CFAP47: variants seen among roughly 807,000 people sequenced by gnomAD.
CFAP47 encodes the protein cilia and flagella associated protein 47, also known as cilia- and flagella-associated protein 47.
CFAP47 carries 29 observed loss-of-function variants against 148.1 expected under a neutral mutation model. The ratio of observed to expected loss-of-function variants is 0.20; its 90% confidence interval spans 0.15 to 0.27. CFAP47 has a LOEUF of 0.27. CFAP47 is among the 10% of genes least tolerant of loss of function. CFAP47 has a pLI of 1.00. For missense variants in CFAP47, 1,872 were observed against 1,697.5 expected (o/e 1.10, Z -1.81); for synonymous variants, 664 against 577.3 (o/e 1.15, Z -2.15).
Position 35,924,231 on chromosome X carries a change from A to G in CFAP47, c.250-1786A>G, listed in dbSNP as rs773914596. Reference sequence around the variant, plus strand: ...TGTATGTGTGCATGTATGTGTATATATGGACATGTATGTGTGCATATGGAC... The same window carrying G: ...TGTATGTGTGCATGTATGTGTATATGTGGACATGTATGTGTGCATATGGAC... On this transcript the variant is annotated intron_variant, in intron 1 of 63. Coordinates refer to ENST00000378653, the MANE Select transcript of CFAP47 (RefSeq NM_001304548.2). Among the ~76,000 whole-genome samples the G allele has an allele frequency of 5.5e-5, 5 of 90,647 alleles. 1 individual carries two copies. The highest frequency in any genetic ancestry group is 3.5e-4 in the East Asian group (1 of 2,874). 78.7% of individuals were successfully genotyped at this position (90,647 alleles called of 115,157 possible).
At chrX:35,920,105 C>T (rs1033295512) in intron 1 of CFAP47, 57 bp downstream of exon 1, 121 of 1,112,478 alleles carry the variant, frequency 1.1e-4, no homozygotes, top group Middle Eastern at 7.7e-4. Context: ...CCTCACACTG[C>T]GTCTCTCTTT....
intron 49 of CFAP47, among the ~76,000 whole-genome samples, chrX:36,270,034 C>A (rs1940939951): frequency 8.9e-6 from 1 of 111,850 alleles, no homozygotes; most frequent in African/African-American, 3.2e-5. Context: ...GGATATACCA[C>A]AATAATTTGT....
intron 42 of CFAP47, among the ~76,000 whole-genome samples, chrX:36,196,176 C>G (rs1481941018): frequency 9.0e-6 from 1 of 110,925 alleles, no homozygotes; most frequent in African/African-American, 3.3e-5. Flanking sequence ...ATAAATTGTT[C>G]TATAAAAATA....
In CFAP47 at chrX:35,941,324, AT is replaced by A; in HGVS notation, c.447del (p.Phe149LeufsTer56). 1 of 1,181,347 alleles carries A rather than the reference AT, an allele frequency of 8.5e-7. No individual in the cohort carries two copies. Among genetic ancestry groups the A allele is most frequent in the Admixed American group, 2.4e-5 (1 of 40,835 alleles). ...SCQLEIESVV[N>X]FGTLVANSKV... ...CAATTGGAAATTGAATCAGTAGTTA[AT>A]TTTGGCACACTGGTTGCCAATAGTA... On this transcript the variant is annotated frameshift_variant, in exon 3 of 64. Coordinates refer to ENST00000378653, the MANE Select transcript of CFAP47 (RefSeq NM_001304548.2). LOFTEE classifies it high-confidence loss of function.
At chrX:36,286,063 T>G (rs943338589) in intron 51 of CFAP47, among the ~76,000 whole-genome samples, 2 of 111,461 alleles carry the variant, frequency 1.8e-5, no homozygotes, top group East Asian at 5.6e-4. Context: ...CTTTCAGCAT[T>G]GCTTTTTCCT....
At chrX:36,240,927 A>C (rs1473852015) in intron 48 of CFAP47, among the ~76,000 whole-genome samples, 3 of 111,530 alleles carry the variant, frequency 2.7e-5, no homozygotes, top group Non-Finnish European at 5.7e-5. Flanking sequence ...ACAGCCAAGA[A>C]CTGCTGTTCC....
chrX:36,221,213 G>A (rs960902895), intron 45 of CFAP47, among the ~76,000 whole-genome samples: 2 of 111,125 alleles, frequency 1.8e-5, no homozygotes, highest in African/African-American at 6.5e-5. Context: ...TAAATAATTC[G>A]GGTGTTACCA....
At chrX:35,952,490 T>G (rs1285316431) in intron 6 of CFAP47, among the ~76,000 whole-genome samples, 1 of 112,346 alleles carries the variant, frequency 8.9e-6, no homozygotes, top group African/African-American at 3.2e-5. Context: ...GTTTTGTTAT[T>G]AAATTTGAAG....
At chrX:36,274,118 A>C (rs1004629199) in intron 49 of CFAP47, among the ~76,000 whole-genome samples, 26 of 112,069 alleles carry the variant, frequency 2.3e-4, no homozygotes, top group African/African-American at 8.1e-4. Context: ...TAATACTCAT[A>C]TAGGGCTTTT....
chrX:35,964,584 A>G (rs1298119706), intron 8 of CFAP47, among the ~76,000 whole-genome samples: 1 of 110,542 alleles, frequency 9.0e-6, no homozygotes, highest in Non-Finnish European at 1.9e-5. Context: ...TTAGACTCCC[A>G]TCATACATAT....
At chrX:36,282,675 A>T (rs998746367) in intron 50 of CFAP47, among the ~76,000 whole-genome samples, 2 of 111,787 alleles carry the variant, frequency 1.8e-5, no homozygotes, top group South Asian at 3.7e-4. Context: ...TGAAAGCAAC[A>T]CCTAAATCAG....
intron 57 of CFAP47, among the ~76,000 whole-genome samples, chrX:36,323,394 G>A (rs1229490990): frequency 9.2e-6 from 1 of 108,946 alleles, no homozygotes; most frequent in Non-Finnish European, 1.9e-5. Flanking sequence ...TAGAGGAAGT[G>A]ATATGTATTT....
chrX:36,085,161 C>A (rs1459601833), intron 29 of CFAP47, among the ~76,000 whole-genome samples, 153 bp from the exon 30 acceptor site: 1 of 110,975 alleles, frequency 9.0e-6, no homozygotes, highest in Non-Finnish European at 1.9e-5. Flanking sequence ...CTTTTTTGAC[C>A]AACAAATGGT....
chrX:36,009,285 G>T (rs1407629435), intron 21 of CFAP47, among the ~76,000 whole-genome samples: 3 of 109,852 alleles, frequency 2.7e-5, no homozygotes, highest in Non-Finnish European at 5.7e-5. Context: ...TAAAATAATA[G>T]TAATATTATA....
intron 33 of CFAP47, among the ~76,000 whole-genome samples, chrX:36,123,862 C>A (rs1225690925): frequency 1.8e-5 from 2 of 111,517 alleles, no homozygotes; most frequent in Non-Finnish European, 3.8e-5. Flanking sequence ...AGTAGTCTTA[C>A]CCCATAGCCA....
At chrX:36,147,159 A>G (rs1479830180) in intron 36 of CFAP47, among the ~76,000 whole-genome samples, 2 of 112,393 alleles carry the variant, frequency 1.8e-5, no homozygotes, top group Non-Finnish European at 3.8e-5. Context: ...ATTTTCCGAG[A>G]CATTCAAAAA....
intron 60 of CFAP47, among the ~76,000 whole-genome samples, chrX:36,356,355 C>G (rs1423660381): frequency 9.0e-6 from 1 of 111,247 alleles, no homozygotes; most frequent in African/African-American, 3.3e-5. Context: ...TTTTTGTTCT[C>G]CTGATGTATG....
At chrX:35,955,752 T>G (rs1358350712) in intron 7 of CFAP47, among the ~76,000 whole-genome samples, 1 of 112,545 alleles carries the variant, frequency 8.9e-6, no homozygotes, top group Non-Finnish European at 1.9e-5. Context: ...GAATGTAAAG[T>G]CCGTAAGAGC....
At chrX:36,092,698 CATA>C (rs1938207105) in intron 30 of CFAP47, among the ~76,000 whole-genome samples, 1 of 109,226 alleles carries the variant, frequency 9.2e-6, no homozygotes, top group African/African-American at 3.3e-5. Context: ...GCATGCAATG[CATA>C]ATAATCTCAT....
Sources: gnomAD v4.1 joint callset for allele counts (sites outside exome capture counted in the v4.1 genomes callset) on GRCh38, gnomAD v4.1.1 for gene constraint, MANE v1.5 for transcripts, NCBI Gene and HGNC (gene_info 2026-07-23, HGNC 2026-07-21) for gene names.